The following SMIM31 variants were observed in gnomAD, a reference collection of about 807,000 sequenced individuals.
The protein encoded by SMIM31 is human epithelial cell program regulator.
intron 2 of SMIM31, among the ~76,000 whole-genome samples, chr4:164,777,544 A>T (rs1732892975): frequency 6.6e-6 from 1 of 152,198 alleles, no homozygotes; most frequent in South Asian, 2.1e-4. Context: ...CCACCTGCAC[A>T]CTAGGCCCTG....
At chr4:164,784,899 G>GGTTTT (rs567589981) in intron 2 of SMIM31, among the ~76,000 whole-genome samples, 2 of 146,240 alleles carry the variant, frequency 1.4e-5, no homozygotes, top group Non-Finnish European at 3.0e-5. Flanking sequence ...ATTTGTTTGG[G>GGTTTT]TTTTTTTTTT....
At chr4:164,787,849 C>A (rs920587872) in intron 2 of SMIM31, among the ~76,000 whole-genome samples, 1 of 152,178 alleles carries the variant, frequency 6.6e-6, no homozygotes, top group African/African-American at 2.4e-5. Context: ...TTGAACATAG[C>A]ATCGCTTTCT....
intron 2 of SMIM31, among the ~76,000 whole-genome samples, chr4:164,782,437 G>A (rs1732965113): frequency 7.3e-6 from 1 of 137,148 alleles, no homozygotes; most frequent in Non-Finnish European, 1.5e-5. Flanking sequence ...GGAGTGCAGT[G>A]GTACGATCTC....
intron 2 of SMIM31, among the ~76,000 whole-genome samples, chr4:164,796,453 T>C (rs1733196901): frequency 6.6e-6 from 1 of 152,168 alleles, no homozygotes; most frequent in Non-Finnish European, 1.5e-5. Flanking sequence ...TCTCTATCGG[T>C]ACACATTCCC....
intron 2 of SMIM31, among the ~76,000 whole-genome samples, chr4:164,770,795 G>C (rs907696059): frequency 1.3e-5 from 2 of 148,404 alleles, no homozygotes; most frequent in Non-Finnish European, 1.5e-5. Context: ...AAATTCTGTA[G>C]AAGTCTTTTA....
At chr4:164,761,388 A>C (rs965037846) in intron 1 of SMIM31, among the ~76,000 whole-genome samples, 2 of 152,126 alleles carry the variant, frequency 1.3e-5, no homozygotes, top group African/African-American at 2.4e-5. Flanking sequence ...TTCATAAATC[A>C]CCTTTGAACC....
At chr4:164,767,714 T>C (rs987866768) in intron 1 of SMIM31, among the ~76,000 whole-genome samples, 2 of 152,238 alleles carry the variant, frequency 1.3e-5, no homozygotes, top group African/African-American at 2.4e-5. Context: ...TCACCTCTTC[T>C]TGAATTTAGG....
intron 1 of SMIM31, among the ~76,000 whole-genome samples, chr4:164,760,479 C>T (rs1167803422): frequency 2.0e-5 from 3 of 151,592 alleles, no homozygotes. Context: ...GCTTGTAATC[C>T]CAGCACTTTG....
chr4:164,780,076 C>T (rs1437738880), intron 2 of SMIM31, among the ~76,000 whole-genome samples: 1 of 152,178 alleles, frequency 6.6e-6, no homozygotes, highest in Non-Finnish European at 1.5e-5. Flanking sequence ...TCTTTTTCCC[C>T]AGTGAACTGT....
chr4:164,794,236 G>C (rs1172045542), intron 2 of SMIM31, among the ~76,000 whole-genome samples: 2 of 151,968 alleles, frequency 1.3e-5, no homozygotes, highest in Non-Finnish European at 2.9e-5. Flanking sequence ...AAATTTAGTT[G>C]GTAGCAGTGG....
At chr4:164,786,658 T>C (rs1417859898) in intron 2 of SMIM31, among the ~76,000 whole-genome samples, 2 of 152,322 alleles carry the variant, frequency 1.3e-5, no homozygotes, top group African/African-American at 4.8e-5. Context: ...ATCCCTCTTT[T>C]TTGTGTGCCT....
At chr4:164,764,964 C>T (rs996103274) in intron 1 of SMIM31, among the ~76,000 whole-genome samples, 5 of 152,304 alleles carry the variant, frequency 3.3e-5, no homozygotes, top group African/African-American at 7.2e-5. Flanking sequence ...ACAGTGAGTT[C>T]CTCATCACTA....
chr4:164,794,976 G>A (rs1461482900), intron 2 of SMIM31, among the ~76,000 whole-genome samples: 2 of 151,574 alleles, frequency 1.3e-5, no homozygotes, highest in Admixed American at 6.6e-5. Flanking sequence ...TCTAATGAGT[G>A]GAATTAGAAA....
chr4:164,758,957 C>G (rs1052306885), intron 1 of SMIM31, among the ~76,000 whole-genome samples: 20 of 151,178 alleles, frequency 1.3e-4, no homozygotes, highest in Admixed American at 1.1e-3. Flanking sequence ...CATGAGCCAC[C>G]GCGCCCTGCC....
At chr4:164,770,371 T>C (rs1369999577) in intron 1 of SMIM31, 48 bp from the exon 2 acceptor site, 9 of 398,426 alleles carry the variant, frequency 2.3e-5, no homozygotes, top group African/African-American at 6.2e-5. Context: ...CTGAGCAAGC[T>C]CTCTCTGGAT....
intron 2 of SMIM31, among the ~76,000 whole-genome samples, chr4:164,786,099 A>G (rs1176813344): frequency 6.6e-6 from 1 of 152,226 alleles, no homozygotes; most frequent in Non-Finnish European, 1.5e-5. Context: ...AACCCTAAGG[A>G]AAAATCAACT....
intron 2 of SMIM31, among the ~76,000 whole-genome samples, chr4:164,772,580 A>ATT (rs1732820310): frequency 1.4e-5 from 1 of 73,876 alleles, no homozygotes; most frequent in Non-Finnish European, 3.2e-5. Context: ...TTTTATTTTT[A>ATT]TTTTATTTTT....
At chr4:164,755,756 G>T (rs1280127329) in intron 1 of SMIM31, among the ~76,000 whole-genome samples, 2 of 151,972 alleles carry the variant, frequency 1.3e-5, no homozygotes, top group Admixed American at 1.3e-4. Flanking sequence ...ACCAGTCTCT[G>T]GTGGGACAGA....
chr4:164,799,167 C>T (rs1054277765), intron 2 of SMIM31, among the ~76,000 whole-genome samples: 3 of 152,076 alleles, frequency 2.0e-5, no homozygotes, highest in African/African-American at 7.2e-5. Context: ...GGGTGGATCC[C>T]TTGAACTCGG....
Sources: allele counts gnomAD v4.1 joint callset (sites outside exome capture counted in the v4.1 genomes callset), GRCh38; gene constraint gnomAD v4.1.1; transcripts MANE v1.5; gene names NCBI Gene and HGNC (gene_info 2026-07-23, HGNC 2026-07-21).